WWC1: variants seen among roughly 807,000 people sequenced by gnomAD.
The protein encoded by WWC1 is WW and C2 domain containing 1.
WWC1 carries 55 observed loss-of-function variants against 138.4 expected under a neutral mutation model. The observed-to-expected ratio is 0.40, with a 90% CI of 0.32 to 0.50. The LOEUF (loss-of-function observed/expected upper bound fraction) is 0.50, where lower values mean the gene tolerates loss of function less well. Ranked by LOEUF, WWC1 falls within the 20% of genes least tolerant of loss-of-function variation. The pLI, the probability that WWC1 is intolerant of heterozygous loss-of-function variation, is 0.72. For missense variants in WWC1, 1,226 were observed against 1,420.4 expected, an observed-to-expected ratio of 0.86 and a Z score of 2.20; for synonymous variants, 524 against 564.9, an observed-to-expected ratio of 0.93 and a Z score of 1.03.
chr5:168,331,417 T>C (rs1011143949), intron 1 of WWC1, among the ~76,000 whole-genome samples: 2 of 152,204 alleles, frequency 1.3e-5, no homozygotes, highest in African/African-American at 4.8e-5. Context: ...AAAGCTTGTG[T>C]TCACTGCAGT....
chr5:168,336,613 C>T (rs963082704), intron 1 of WWC1, among the ~76,000 whole-genome samples: 1 of 151,076 alleles, frequency 6.6e-6, no homozygotes, highest in African/African-American at 2.4e-5. Context: ...TTGTGATCTC[C>T]ATCCTCCTCA....
At chr5:168,438,334 A>T (rs1390079842) in intron 15 of WWC1, among the ~76,000 whole-genome samples, 1 of 152,116 alleles carries the variant, frequency 6.6e-6, no homozygotes, top group African/African-American at 2.4e-5. Flanking sequence ...TGCTGTTCTC[A>T]TGATAGTGAG....
At chr5:168,353,223 AC>A (rs1371083975) in intron 1 of WWC1, among the ~76,000 whole-genome samples, 1 of 151,644 alleles carries the variant, frequency 6.6e-6, no homozygotes, top group African/African-American at 2.4e-5. Flanking sequence ...CTCACCTCCC[AC>A]CCCACATTCC....
chr5:168,411,780 C>A, intron 8 of WWC1: 1 of 170,688 alleles, frequency 5.9e-6, no homozygotes, highest in Admixed American at 6.5e-5. Context: ...GTGAACCAAG[C>A]TTTGTTACAG....
intron 1 of WWC1, among the ~76,000 whole-genome samples, chr5:168,333,246 C>T (rs758614442): frequency 5.3e-5 from 8 of 152,116 alleles, no homozygotes; most frequent in South Asian, 2.1e-4. Flanking sequence ...TCTCCTTGCC[C>T]GCCTCTTTCC....
intron 1 of WWC1, among the ~76,000 whole-genome samples, chr5:168,318,301 T>G (rs1376646454): frequency 6.6e-6 from 1 of 152,204 alleles, no homozygotes; most frequent in African/African-American, 2.4e-5. Context: ...CTTAGTTTAC[T>G]TTTTAAAAAT....
chr5:168,355,430 G>C (rs1403453789), intron 1 of WWC1, among the ~76,000 whole-genome samples: 1 of 148,898 alleles, frequency 6.7e-6, no homozygotes, highest in Non-Finnish European at 1.5e-5. Context: ...GGAGGTAAAG[G>C]TTGCAGTGAG....
intron 1 of WWC1, among the ~76,000 whole-genome samples, chr5:168,367,115 T>C (rs1378279241): frequency 6.6e-6 from 1 of 151,884 alleles, no homozygotes; most frequent in Non-Finnish European, 1.5e-5. Flanking sequence ...AACACTTAAT[T>C]GCCTCTTTAT....
intron 1 of WWC1, among the ~76,000 whole-genome samples, chr5:168,308,888 G>A (rs758230430): frequency 3.9e-5 from 6 of 152,108 alleles, no homozygotes; most frequent in African/African-American, 7.2e-5. Flanking sequence ...CAGTTCTCCA[G>A]TATGCTCAGG....
intron 20 of WWC1, 63 bp from the exon 21 acceptor site, chr5:168,464,666 G>T: frequency 6.3e-7 from 1 of 1,598,598 alleles, no homozygotes; most frequent in Middle Eastern, 1.7e-4. Context: ...GTCAGAGGAA[G>T]AGGCTGGGTG....
intron 17 of WWC1, among the ~76,000 whole-genome samples, 188 bp downstream of exon 17, chr5:168,444,773 C>T (rs1438439574): frequency 6.6e-6 from 1 of 151,636 alleles, no homozygotes; most frequent in African/African-American, 2.4e-5. Flanking sequence ...GAATTCCTTT[C>T]GAATTTGCCA....
chr5:168,295,245 G>A (rs1769425513), intron 1 of WWC1, among the ~76,000 whole-genome samples: 1 of 152,094 alleles, frequency 6.6e-6, no homozygotes, highest in South Asian at 2.1e-4. Context: ...GGGCCTGCCA[G>A]CTCTTAAATA....
Position 168,301,358 on chromosome 5 carries a change from G to T in WWC1, c.119+9087G>T, listed in dbSNP as rs78650059. Among the ~76,000 whole-genome samples, 819 of 152,292 alleles carry T rather than the reference G, an allele frequency of 5.4e-3. 3 individuals are homozygous for T. Among genetic ancestry groups the T allele is most frequent in the Non-Finnish European group, 9.2e-3 (624 of 68,022 alleles). On this transcript the variant is annotated intron_variant, in intron 1 of 22. Coordinates refer to ENST00000265293, the MANE Select transcript of WWC1 (RefSeq NM_015238.3). ...TCACTTTAAAATAGTAAGTGGGACT[G>T]GGTGCAGTGGCTGACACCTGTAATT...
At chr5:168,455,566 G>A (rs781322797) in intron 19 of WWC1, 46 bp downstream of exon 19, 13 of 1,591,430 alleles carry the variant, frequency 8.2e-6, no homozygotes, top group Non-Finnish European at 6.0e-6. Context: ...GGGTAGCCGA[G>A]AGCTTCACAC....
chr5:168,413,869 A>C (rs1780398973), intron 8 of WWC1, among the ~76,000 whole-genome samples: 1 of 152,246 alleles, frequency 6.6e-6, no homozygotes, highest in African/African-American at 2.4e-5. Context: ...CCAATGTTAC[A>C]TACCTAATAA....
chr5:168,342,337 C>T (rs939458277), intron 1 of WWC1, among the ~76,000 whole-genome samples: 9 of 152,076 alleles, frequency 5.9e-5, no homozygotes, highest in African/African-American at 1.9e-4. Flanking sequence ...AGAGCTATTG[C>T]GCAAAAATTA....
intron 6 of WWC1, among the ~76,000 whole-genome samples, chr5:168,406,920 C>T (rs978348386): frequency 4.0e-5 from 6 of 151,328 alleles, no homozygotes; most frequent in Admixed American, 6.6e-5. Context: ...CTGGCCTGGG[C>T]GAAACAGTGA....
chr5:168,447,904 G>A (rs1755426387), intron 17 of WWC1, among the ~76,000 whole-genome samples: 1 of 151,578 alleles, frequency 6.6e-6, no homozygotes, highest in Non-Finnish European at 1.5e-5. Context: ...ACACTGCTGT[G>A]CCACACTCTA....
rs113860801 is a variant in WWC1 at position 168,300,802 on chromosome 5, G to C, written c.119+8531G>C. On this transcript the variant is annotated intron_variant, in intron 1 of 22. Coordinates refer to ENST00000265293, the MANE Select transcript of WWC1 (RefSeq NM_015238.3). ...CCAGTGGTGGTTACTTGTTGGATTCGTCCCTGGGGTAGCCCCTGGGATCCA... is the reference window on the plus strand; with the variant it reads ...CCAGTGGTGGTTACTTGTTGGATTCCTCCCTGGGGTAGCCCCTGGGATCCA... Among the ~76,000 whole-genome samples the C allele has an allele frequency of 1.1e-4, 17 of 152,148 alleles. 3 individuals are homozygous for C. The highest frequency in any genetic ancestry group is 4.1e-4 in the African/African-American group (17 of 41,504).
Sources: allele counts gnomAD v4.1 joint callset (sites outside exome capture counted in the v4.1 genomes callset), GRCh38; gene constraint gnomAD v4.1.1; transcripts MANE v1.5; gene names NCBI Gene and HGNC (gene_info 2026-07-23, HGNC 2026-07-21).